PLAAT1: variants seen among roughly 807,000 people sequenced by gnomAD.
PLAAT1 encodes phospholipase A and acyltransferase 1.
Under a neutral mutation model 16.4 loss-of-function variants are expected in PLAAT1, and 13 were observed. The observed-to-expected ratio is 0.79, with a 90% CI of 0.52 to 1.26. The LOEUF (loss-of-function observed/expected upper bound fraction) is 1.26, where lower values mean the gene tolerates loss of function less well. PLAAT1 is among the 50% of genes most tolerant of loss of function. PLAAT1 has a pLI of 0.00. For missense variants in PLAAT1, 218 were observed against 207.8 expected, an observed-to-expected ratio of 1.05 and a Z score of -0.30; for synonymous variants, 73 against 78.4, an observed-to-expected ratio of 0.93 and a Z score of 0.36.
At chr3:193,267,742 T>C (rs778375549) in intron 3 of PLAAT1, among the ~76,000 whole-genome samples, 7 of 152,218 alleles carry the variant, frequency 4.6e-5, no homozygotes, top group Non-Finnish European at 8.8e-5. Flanking sequence ...GCATGATTGC[T>C]AGATCATATG....
chr3:193,249,617 G>A (rs1716118441), intron 1 of PLAAT1, among the ~76,000 whole-genome samples: 1 of 151,748 alleles, frequency 6.6e-6, no homozygotes, highest in African/African-American at 2.4e-5. Context: ...TCCCTTTCTT[G>A]TACAACAATA....
chr3:193,267,099 A>C (rs1188107762), intron 3 of PLAAT1, among the ~76,000 whole-genome samples: 3 of 152,082 alleles, frequency 2.0e-5, no homozygotes, highest in African/African-American at 7.2e-5. Flanking sequence ...ATTAAGCTGA[A>C]AGTATAGAAC....
chr3:193,266,961 T>C (rs1209910998), intron 3 of PLAAT1, among the ~76,000 whole-genome samples: 1 of 152,166 alleles, frequency 6.6e-6, no homozygotes, highest in Non-Finnish European at 1.5e-5. Flanking sequence ...GTTTAAAAAC[T>C]AGTAATGCAT....
chr3:193,242,121 G>A (rs1023764087), intron 1 of PLAAT1, among the ~76,000 whole-genome samples: 18 of 145,630 alleles, frequency 1.2e-4, no homozygotes, highest in Admixed American at 7.5e-4. Context: ...TTTTTTTTGC[G>A]CTTTTTTTTT....
At chr3:193,266,044 G>A (rs776258095) in intron 3 of PLAAT1, among the ~76,000 whole-genome samples, 13 of 151,740 alleles carry the variant, frequency 8.6e-5, no homozygotes, top group Non-Finnish European at 1.3e-4. Context: ...GTACAACATA[G>A]GGCCTATGAT....
chr3:193,281,289 T>C, downstream of PLAAT1: 1 of 759,128 alleles, frequency 1.3e-6, no homozygotes, highest in Non-Finnish European at 1.6e-6. Context: ...TGGGGCTGAG[T>C]GGGGTGCACA....
At chr3:193,268,268 C>T (rs1327987989) in intron 3 of PLAAT1, among the ~76,000 whole-genome samples, 2 of 152,162 alleles carry the variant, frequency 1.3e-5, no homozygotes, top group Non-Finnish European at 2.9e-5. Context: ...AGGAACACAT[C>T]CTGATGGTGC....
At chr3:193,280,003 A>AC (rs1553808806), downstream of PLAAT1, among the ~76,000 whole-genome samples, 1 of 147,732 alleles carries the variant, frequency 6.8e-6, no homozygotes, top group African/African-American at 2.5e-5. Flanking sequence ...AAAAAAAAAA[A>AC]GCCCTGTGTA....
chr3:193,273,075 AG>A (rs1417378276), downstream of PLAAT1, among the ~76,000 whole-genome samples: 1 of 152,252 alleles, frequency 6.6e-6, no homozygotes, highest in African/African-American at 2.4e-5. Flanking sequence ...TATAGGTTGT[AG>A]GAAAACCTGG....
At chr3:193,279,758 ACAGT>A (rs1322157339), downstream of PLAAT1, among the ~76,000 whole-genome samples, 2 of 152,000 alleles carry the variant, frequency 1.3e-5, no homozygotes, top group Non-Finnish European at 2.9e-5. Context: ...CGTGGGATAA[ACAGT>A]CAGTGTTCTT....
chr3:193,263,175 T>G lies in PLAAT1; in HGVS notation c.345T>G (p.Leu115=), dbSNP rs1716652250. 1 of 1,614,210 alleles carries G rather than the reference T, an allele frequency of 6.2e-7. No homozygotes were observed. Among genetic ancestry groups the G allele is most frequent in the Non-Finnish European group, 8.5e-7 (1 of 1,180,024 alleles). Residue 115 remains leucine, a synonymous_variant, in exon 3 of 4, where the codon CTT becomes CTG. Transcript: ENST00000264735. ...VIGQEVAYNL[L]VNNCEHFVTL... Reference sequence around the variant, plus strand: ...GACAGGAGGTGGCCTATAACTTACTTGTCAACAACTGTGAACATTTTGTGA... The same window carrying G: ...GACAGGAGGTGGCCTATAACTTACTGGTCAACAACTGTGAACATTTTGTGA...
intron 3 of PLAAT1, among the ~76,000 whole-genome samples, chr3:193,263,958 G>T (rs1352595276): frequency 6.6e-6 from 1 of 151,764 alleles, no homozygotes; most frequent in African/African-American, 2.4e-5. Flanking sequence ...AAAAGAGAAT[G>T]GATATATAAA....
At chr3:193,274,189 G>A (rs980650411), downstream of PLAAT1, among the ~76,000 whole-genome samples, 1 of 152,184 alleles carries the variant, frequency 6.6e-6, no homozygotes, top group Non-Finnish European at 1.5e-5. Flanking sequence ...GTTGCAGTGA[G>A]CCAAAATTGT....
chr3:193,267,296 C>T (rs1217867950), intron 3 of PLAAT1, among the ~76,000 whole-genome samples: 1 of 152,130 alleles, frequency 6.6e-6, no homozygotes, highest in Admixed American at 6.6e-5. Flanking sequence ...ATGACACAAT[C>T]CATTATTATA....
At chr3:193,260,551 C>A (rs1417328278) in intron 2 of PLAAT1, among the ~76,000 whole-genome samples, 2 of 152,136 alleles carry the variant, frequency 1.3e-5, no homozygotes, top group South Asian at 2.1e-4. Context: ...GGAACAGACA[C>A]TTCTGAAAAG....
At chr3:193,266,966 A>G (rs1716800867) in intron 3 of PLAAT1, among the ~76,000 whole-genome samples, 1 of 151,994 alleles carries the variant, frequency 6.6e-6, no homozygotes, top group Non-Finnish European at 1.5e-5. Context: ...AAAACTAGTA[A>G]TGCATAAAAA....
At chr3:193,266,597 T>C (rs749633119) in intron 3 of PLAAT1, among the ~76,000 whole-genome samples, 1 of 152,132 alleles carries the variant, frequency 6.6e-6, no homozygotes, top group African/African-American at 2.4e-5. Context: ...CCATTATTAG[T>C]GGAGTGTCCT....
chr3:193,244,398 G>A (rs964805126), intron 1 of PLAAT1, among the ~76,000 whole-genome samples: 1 of 151,582 alleles, frequency 6.6e-6, no homozygotes, highest in African/African-American at 2.4e-5. Context: ...CTGCATCATT[G>A]TCAACATTTG....
At chr3:193,261,134 A>AAGGC (rs1196476865) in intron 2 of PLAAT1, among the ~76,000 whole-genome samples, 1 of 152,212 alleles carries the variant, frequency 6.6e-6, no homozygotes, top group African/African-American at 2.4e-5. Context: ...TTGGTAGGCC[A>AAGGC]AGGCAGGCAG....
Sources: gnomAD v4.1 joint callset for allele counts (sites outside exome capture counted in the v4.1 genomes callset) on GRCh38, gnomAD v4.1.1 for gene constraint, MANE v1.5 for transcripts, NCBI Gene and HGNC (gene_info 2026-07-23, HGNC 2026-07-21) for gene names.